Variants in NLRP5 observed in about 807,000 individuals in gnomAD.
NLRP5 encodes NACHT, LRR and PYD domains-containing protein 5.
A neutral mutation model predicts 113.1 loss-of-function variants in NLRP5; 93 were observed. The observed-to-expected ratio is 0.82, with a 90% CI of 0.70 to 0.98. The LOEUF is 0.98. Ranked by LOEUF, NLRP5 falls within the 50% of genes least tolerant of loss-of-function variation. The pLI is 0.00. For missense variants in NLRP5, 1,808 were observed against 1,514.3 expected (o/e 1.19, Z -3.22); for synonymous variants, 751 against 600.7 (o/e 1.25, Z -3.66).
intron 13 of NLRP5, among the ~76,000 whole-genome samples, chr19:56,056,274 A>G (rs1290479410): frequency 2.6e-5 from 4 of 152,214 alleles, no homozygotes; most frequent in Non-Finnish European, 4.4e-5. Context: ...TAAAGAAAGC[A>G]TGGCCGGGTG....
chr19:56,053,618 CTA>C lies in NLRP5; in HGVS notation c.3129-18_3129-17del, dbSNP rs766995971. On this transcript the variant is annotated intron_variant, in intron 12 of 14. Coordinates refer to ENST00000390649, the MANE Select transcript of NLRP5 (RefSeq NM_153447.4). ...TTTCCTCGAGAGAGGCAGACTCTCT[CTA>C]TTCCCCGCCTCTTGCAGGTTGGTAA... is the stretch of plus-strand genomic sequence containing the variant. 26 of 1,605,908 alleles carry C rather than the reference CTA, an allele frequency of 1.6e-5. No individual in the cohort carries two copies. The South Asian group carries it at 2.8e-4, about 17-fold the overall frequency.
Position 56,052,918 on chromosome 19 carries a change from C to G in NLRP5, c.3129-720C>G, listed in dbSNP as rs374526324. ...CCTCATCTCCAAGTGGAAGCAAACT[C>G]TGCTGTGCTCATTTCTTTTAAAGAT... On this transcript the variant is annotated intron_variant, in intron 12 of 14. Transcript: ENST00000390649. 5.3e-5 allele frequency among the ~76,000 whole-genome samples: 8 copies of G among 152,340 alleles called. No homozygotes were observed. The South Asian group carries it at 1.7e-3, about 32-fold the overall frequency.
chr19:56,043,470 T>G (rs1253153094), intron 11 of NLRP5, among the ~76,000 whole-genome samples: 1 of 151,798 alleles, frequency 6.6e-6, no homozygotes, highest in Non-Finnish European at 1.5e-5. Context: ...TTTGTTTGAG[T>G]TCGTTGTAGA....
chr19:56,004,221 A>G, intron 2 of NLRP5, 126 bp downstream of exon 2: 1 of 1,012,814 alleles, frequency 9.9e-7, no homozygotes, highest in South Asian at 1.6e-5. Context: ...AGCTGTGAGA[A>G]GGATCCTATT....
intron 3 of NLRP5, among the ~76,000 whole-genome samples, chr19:56,010,497 C>CA (rs1982139247): frequency 6.6e-6 from 1 of 151,942 alleles, no homozygotes. Context: ...GTAATCCCAG[C>CA]ACTTTGGGAG....
intron 1 of NLRP5, among the ~76,000 whole-genome samples, chr19:56,001,659 C>T (rs1257285146): frequency 6.6e-6 from 1 of 152,112 alleles, no homozygotes; most frequent in African/African-American, 2.4e-5. Flanking sequence ...TTAACAGAAA[C>T]CCTACAGGCT....
chr19:56,043,765 G>C (rs909235285), intron 11 of NLRP5, among the ~76,000 whole-genome samples: 22 of 151,384 alleles, frequency 1.5e-4, no homozygotes, highest in Non-Finnish European at 2.7e-4. Context: ...TTTTAGTAGA[G>C]ACAGGGTTTC....
intron 7 of NLRP5, 135 bp from the exon 8 acceptor site, chr19:56,032,476 C>G: frequency 4.6e-6 from 3 of 646,300 alleles, no homozygotes; most frequent in Non-Finnish European, 5.2e-6. Context: ...ATGGCAGCCG[C>G]TAAGTTGCCT....
chr19:56,022,391 A>G (rs1032026272), intron 6 of NLRP5, among the ~76,000 whole-genome samples: 1 of 137,426 alleles, frequency 7.3e-6, no homozygotes, highest in Non-Finnish European at 1.6e-5. Flanking sequence ...GCTAATTTTC[A>G]TATTTGTTAT....
At chr19:55,994,946 T>G (rs1419977361), upstream of NLRP5, among the ~76,000 whole-genome samples, 1 of 152,194 alleles carries the variant, frequency 6.6e-6, no homozygotes, top group Non-Finnish European at 1.5e-5. Flanking sequence ...AGGGGTCTAG[T>G]TTAATTCTGC....
intron 3 of NLRP5, among the ~76,000 whole-genome samples, chr19:56,013,598 T>TTTTTG (rs1445125435): frequency 2.3e-5 from 3 of 128,746 alleles, no homozygotes; most frequent in African/African-American, 8.9e-5. Context: ...ACATTTGGGT[T>TTTTTG]TTTTTTTTTT....
chr19:56,047,369 C>T (rs1040134754), intron 11 of NLRP5, among the ~76,000 whole-genome samples: 7 of 152,182 alleles, frequency 4.6e-5, no homozygotes, highest in African/African-American at 1.4e-4. Flanking sequence ...TTGATGTAGG[C>T]GTTGAGGGCT....
In NLRP5 at chr19:56,050,547, C is replaced by A. The variant is rs544578557; in HGVS notation, c.3087C>A (p.Cys1029Ter). 6.2e-7 allele frequency: 1 copy of A among 1,613,724 alleles called. No homozygotes were observed. The highest frequency in any genetic ancestry group is 1.3e-5 in the African/African-American group (1 of 74,888). ...AAGACAATGGCGTGAAGCTTCTGTG[C>A]GAGGTCATGAGAGAACCATCTTGTC... Residue 1029 changes from cysteine to a stop codon, truncating the protein, a stop_gained, in exon 12 of 15, where the codon TGC (cysteine) becomes TGA (stop). Coordinates refer to ENST00000390649, the MANE Select transcript of NLRP5 (RefSeq NM_153447.4). LOFTEE classifies it high-confidence loss of function.
At chr19:56,001,217 A>C (rs1339714423) in intron 1 of NLRP5, among the ~76,000 whole-genome samples, 1 of 147,594 alleles carries the variant, frequency 6.8e-6, no homozygotes, top group African/African-American at 2.5e-5. Flanking sequence ...CGCAGCTACT[A>C]GGAAGGCTGA....
intron 6 of NLRP5, among the ~76,000 whole-genome samples, chr19:56,024,470 C>T (rs144505647): frequency 2.4e-3 from 343 of 144,416 alleles, no homozygotes; most frequent in South Asian, 4.3e-3. Flanking sequence ...TACATATATA[C>T]GTGTGTATAC....
chr19:56,052,858 T>TGGA (rs1983981892), intron 12 of NLRP5, among the ~76,000 whole-genome samples: 2 of 152,206 alleles, frequency 1.3e-5, no homozygotes, highest in African/African-American at 4.8e-5. Context: ...TCAGAATCTT[T>TGGA]CCAGTTTCTC....
rs1465780709 is a variant in NLRP5 at position 56,027,952 on chromosome 19, C to T, written c.1719C>T (p.Asp573=). The change falls in exon 7 of 15, where the codon GAC becomes GAT. Residue 573 remains aspartate, a synonymous_variant. Transcript: ENST00000390649. The stretch of plus-strand genomic sequence containing the variant: ...TTCACATGAACATCCTTCTCCCAGA[C>T]AGCCACTGTGAGGAGTACTACACCT... 2.5e-6 allele frequency: 4 copies of T among 1,613,946 alleles called. No homozygotes were observed. In the South Asian group the frequency reaches 4.4e-5, roughly 18 times the overall value.
chr19:56,007,534 G>C lies in NLRP5; in HGVS notation c.443-1254G>C, dbSNP rs954608702. Among the ~76,000 whole-genome samples, 20 of 151,156 alleles carry C rather than the reference G, an allele frequency of 1.3e-4. 1 individual carries two copies. The highest frequency in any genetic ancestry group is 4.4e-4 in the African/African-American group (18 of 40,528). ...GAGCATAAAGTCAGGGCATCCCAAAGCCTTTAACAGAGGGTTTGGCTGGGC... is the reference window on the plus strand; with the variant it reads ...GAGCATAAAGTCAGGGCATCCCAAACCCTTTAACAGAGGGTTTGGCTGGGC... On this transcript the variant is annotated intron_variant, in intron 2 of 14. Coordinates refer to ENST00000390649, the MANE Select transcript of NLRP5 (RefSeq NM_153447.4).
chr19:56,038,694 T>C (rs1241254718), intron 10 of NLRP5, among the ~76,000 whole-genome samples: 4 of 152,058 alleles, frequency 2.6e-5, no homozygotes, highest in African/African-American at 7.2e-5. Context: ...CCCACCTCCT[T>C]CTATGGAGAC....
Sources: gnomAD v4.1 joint callset for allele counts (sites outside exome capture counted in the v4.1 genomes callset) on GRCh38, gnomAD v4.1.1 for gene constraint, MANE v1.5 for transcripts, NCBI Gene and HGNC (gene_info 2026-07-23, HGNC 2026-07-21) for gene names.